Variants in NFAT5 observed in about 807,000 individuals in gnomAD.
NFAT5 encodes the protein nuclear factor of activated T cells 5, also known as nuclear factor of activated T-cells 5.
In NFAT5, 31 loss-of-function variants were observed where a neutral mutation model predicts 166.5. The ratio of observed to expected loss-of-function variants is 0.19; its 90% confidence interval spans 0.14 to 0.25. The LOEUF (loss-of-function observed/expected upper bound fraction) is 0.25. Ranked by LOEUF, NFAT5 falls within the 10% of genes least tolerant of loss-of-function variation. The pLI is 1.00. For missense variants in NFAT5, 1,449 were observed against 1,821.8 expected (o/e 0.80, Z 3.72); for synonymous variants, 612 against 639.7 (o/e 0.96, Z 0.65).
At chr16:69,611,755 C>A (rs2033712605) in intron 2 of NFAT5, among the ~76,000 whole-genome samples, 1 of 152,228 alleles carries the variant, frequency 6.6e-6, no homozygotes, top group Non-Finnish European at 1.5e-5. Flanking sequence ...TCCTAAAAGG[C>A]CCCACCTCTT....
Position 69,702,001 on chromosome 16 carries a change from T to A in NFAT5, c.*5650T>A, listed in dbSNP as rs1290253828. On this transcript the variant is annotated 3_prime_UTR_variant, in exon 15 of 15. Transcript: ENST00000349945. ...TAATTTTGCCTCTATTCCAGCTCCT[T>A]ACCACAGCGGTGGTGCTTAAAGAAA... The A allele has an allele frequency of 6.6e-6, 1 of 152,634 alleles. No homozygotes were observed. The highest frequency in any genetic ancestry group is 2.4e-5 in the African/African-American group (1 of 41,456). The allele number at this position is 152,634 out of a possible 1,614,324, so 9.5% of individuals were successfully genotyped here. A position where few individuals can be genotyped will look rare whatever the true frequency, so the allele number is the denominator to read the frequency against.
At chr16:69,579,963 A>G (rs2031561867) in intron 2 of NFAT5, among the ~76,000 whole-genome samples, 1 of 152,168 alleles carries the variant, frequency 6.6e-6, no homozygotes. Context: ...GACACATAGT[A>G]AGTGCTATAT....
At chr16:69,666,458 TCAAA>T (rs1354905755) in intron 7 of NFAT5, among the ~76,000 whole-genome samples, 1 of 151,306 alleles carries the variant, frequency 6.6e-6, no homozygotes, top group Non-Finnish European at 1.5e-5. Flanking sequence ...TACAATGAAC[TCAAA>T]CAGATTTACA....
At chr16:69,676,606 C>T (rs1037979189) in intron 9 of NFAT5, among the ~76,000 whole-genome samples, 2 of 152,012 alleles carry the variant, frequency 1.3e-5, no homozygotes, top group African/African-American at 2.4e-5. Flanking sequence ...AACAAAACAG[C>T]CTAGATCCTC....
At chr16:69,650,393 G>T (rs1210218664) in intron 4 of NFAT5, among the ~76,000 whole-genome samples, 1 of 151,994 alleles carries the variant, frequency 6.6e-6, no homozygotes, top group Non-Finnish European at 1.5e-5. Flanking sequence ...CAATATGTAT[G>T]TATTCCATTT....
intron 3 of NFAT5, among the ~76,000 whole-genome samples, chr16:69,636,525 G>T (rs2034975722): frequency 6.6e-5 from 10 of 152,214 alleles, no homozygotes; most frequent in Admixed American, 6.5e-4. Flanking sequence ...AGGGCATCCA[G>T]GGGTTTCCAT....
intron 2 of NFAT5, among the ~76,000 whole-genome samples, chr16:69,601,782 A>T (rs2033145935): frequency 6.6e-6 from 1 of 152,286 alleles, no homozygotes; most frequent in African/African-American, 2.4e-5. Context: ...ACATAGTACA[A>T]ATGATTTCCC....
At chr16:69,589,127 TG>T (rs2032301760) in intron 2 of NFAT5, among the ~76,000 whole-genome samples, 1 of 151,878 alleles carries the variant, frequency 6.6e-6, no homozygotes, top group African/African-American at 2.4e-5. Flanking sequence ...CCCGAGTAGC[TG>T]GGATTACAGG....
chr16:69,688,208 A>AAAAAAAAAAAC (rs2037396891), intron 11 of NFAT5, among the ~76,000 whole-genome samples: 1 of 100,274 alleles, frequency 1.0e-5, no homozygotes, highest in Admixed American at 1.0e-4. Flanking sequence ...GTCTCAAAAA[A>AAAAAAAAAAAC]AAAAAAAAAA....
chr16:69,703,162 C>G lies in NFAT5; in HGVS notation c.*6811C>G, dbSNP rs928108871. On this transcript the variant is annotated 3_prime_UTR_variant, in exon 15 of 15. Transcript: ENST00000349945. ...CAGTTTTGCCCTGGCTAGACCAACC[C>G]TCAGAACAAAATCATCATTCCTTGT... 1 of 152,590 alleles carries G rather than the reference C, an allele frequency of 6.6e-6. No homozygotes were observed. Among genetic ancestry groups the G allele is most frequent in the East Asian group, 1.9e-4 (1 of 5,202 alleles). 9.5% of individuals were successfully genotyped at this position (152,590 alleles called of 1,614,324 possible).
At chr16:69,613,014 T>G (rs2033775656) in intron 2 of NFAT5, among the ~76,000 whole-genome samples, 1 of 152,222 alleles carries the variant, frequency 6.6e-6, no homozygotes. Flanking sequence ...AATTCATCAT[T>G]TAAAACTGAA....
chr16:69,668,512 T>C (rs2036494833), intron 7 of NFAT5, among the ~76,000 whole-genome samples: 1 of 152,194 alleles, frequency 6.6e-6, no homozygotes, highest in Non-Finnish European at 1.5e-5. Flanking sequence ...TTGTGTTTCA[T>C]GTACAGCTAT....
intron 10 of NFAT5, among the ~76,000 whole-genome samples, chr16:69,678,227 G>A (rs1476642825): frequency 6.7e-6 from 1 of 149,976 alleles, no homozygotes; most frequent in South Asian, 2.1e-4. Context: ...TTTTGCATGT[G>A]AGTGGGAGAC....
rs1047432196 is a variant in NFAT5, at chr16:69,692,337, G to C, written c.2512G>C (p.Glu838Gln). 1 of 1,614,210 alleles carries C rather than the reference G, an allele frequency of 6.2e-7. No homozygotes were observed. Among genetic ancestry groups the C allele is most frequent in the Non-Finnish European group, 8.5e-7 (1 of 1,180,046 alleles). Reference protein sequence around the residue: ...SVLFSAPDGNENVQEQLSADI... With the variant: ...SVLFSAPDGNQNVQEQLSADI... ...TTTATTTTCTGCTCCAGATGGTAATGAGAATGTTCAAGAGCAGCTTAGTGC... is the reference window on the plus strand; with the variant it reads ...TTTATTTTCTGCTCCAGATGGTAATCAGAATGTTCAAGAGCAGCTTAGTGC... The change falls in exon 13 of 15, where the codon GAG becomes CAG. Residue 838 changes from glutamate (E) to glutamine (Q), a missense_variant. This residue lies in a region of NFAT5 where 891 missense variants were observed against 993.0 expected (regional missense o/e 0.90). Coordinates refer to ENST00000349945, the MANE Select transcript of NFAT5 (RefSeq NM_138713.4).
At position 69,698,738 on chromosome 16, in the gene NFAT5, T is replaced by C. The variant is rs1476457725; in HGVS notation, c.*2387T>C. ...AGCCATTCAGTCTTTGCTCACTATA[T>C]ATTTAATATTTTATTATTGTTGTTA... On this transcript the variant is annotated 3_prime_UTR_variant, in exon 15 of 15. Transcript: ENST00000349945. 6.6e-6 allele frequency: 1 copy of C among 152,612 alleles called. No individual in the cohort carries two copies. Among genetic ancestry groups the C allele is most frequent in the East Asian group, 1.9e-4 (1 of 5,202 alleles). 9.5% of individuals were successfully genotyped at this position (152,612 alleles called of 1,614,324 possible).
rs1051186590 is a variant in NFAT5, at chr16:69,647,978, C to T, written c.812+392C>T. Among the ~76,000 whole-genome samples, 3 of 151,954 alleles carry T rather than the reference C, an allele frequency of 2.0e-5. No individual in the cohort carries two copies. Among genetic ancestry groups the T allele is most frequent in the Admixed American group, 1.3e-4 (2 of 15,228 alleles). ...CCTGAGGTCAGGAGTTCGAGACCAG[C>T]CTGACCAACATGGTGAAACCCCATC... On this transcript the variant is annotated intron_variant, in intron 4 of 14. Coordinates refer to ENST00000349945, the MANE Select transcript of NFAT5 (RefSeq NM_138713.4). This position sits in a 1 kb window ranked among gnomAD's most constrained non-coding sequence, Gnocchi z 4.8.
intron 2 of NFAT5, among the ~76,000 whole-genome samples, chr16:69,609,145 A>G (rs923367162): frequency 9.2e-5 from 14 of 152,030 alleles, no homozygotes; most frequent in African/African-American, 3.4e-4. Context: ...TATTTAGGTA[A>G]TCTGCAGAAG....
intron 2 of NFAT5, among the ~76,000 whole-genome samples, chr16:69,569,239 A>C (rs2016291993): frequency 6.6e-6 from 1 of 152,072 alleles, no homozygotes; most frequent in Non-Finnish European, 1.5e-5. Flanking sequence ...TATCATCTTT[A>C]AATCTTTATA....
Position 69,679,865 on chromosome 16 carries a change from C to T in NFAT5, c.1690+2530C>T, listed in dbSNP as rs376433071. On this transcript the variant is annotated intron_variant, in intron 10 of 14. Transcript: ENST00000349945. Reference sequence around the variant, plus strand: ...CATGGTGGCTCACGCCTGTAATCCCCGCCAGCACTTCGGGAGGCCAAGGCA... The same window carrying T: ...CATGGTGGCTCACGCCTGTAATCCCTGCCAGCACTTCGGGAGGCCAAGGCA... Among the ~76,000 whole-genome samples the T allele has an allele frequency of 5.3e-5, 8 of 152,008 alleles. No homozygotes were observed. The South Asian group carries it at 1.2e-3, about 24-fold the overall frequency.
Sources: gnomAD v4.1 joint callset for allele counts (sites outside exome capture counted in the v4.1 genomes callset) on GRCh38, gnomAD v4.1.1 for gene constraint, gnomAD v4.1.1 regional missense constraint, Gnocchi (gnomAD v3.1) non-coding constraint, MANE v1.5 for transcripts, NCBI Gene and HGNC (gene_info 2026-07-23, HGNC 2026-07-21) for gene names.